Variants in DMD observed in about 807,000 individuals in gnomAD.
The protein encoded by DMD is mutant dystrophin.
In DMD, 63 loss-of-function variants were observed where a neutral mutation model predicts 330.1. That is an observed-to-expected ratio of 0.19 (90% confidence interval 0.16 to 0.24). DMD has a LOEUF of 0.24. Among genes scored for constraint, DMD ranks in the 10% least tolerant of loss-of-function variants. The pLI, the probability that DMD is intolerant of heterozygous loss-of-function variation, is 1.00. For missense variants in DMD, 3,344 were observed against 2,684.1 expected (o/e 1.25, Z -5.43); for synonymous variants, 1,223 against 959.8 (o/e 1.27, Z -5.07).
chrX:32,239,031 A>G (rs1219715125), intron 43 of DMD, among the ~76,000 whole-genome samples: 2 of 112,119 alleles, frequency 1.8e-5, no homozygotes, highest in African/African-American at 6.5e-5. Flanking sequence ...AGGTTTCTAA[A>G]CATAAACACT....
chrX:31,325,005 G>A (rs906321249), intron 61 of DMD, among the ~76,000 whole-genome samples: 7 of 112,021 alleles, frequency 6.2e-5, no homozygotes, highest in Admixed American at 1.9e-4. Flanking sequence ...TCATTTAAAC[G>A]ATATAGGAAA....
At chrX:31,624,539 C>T (rs909685337) in intron 55 of DMD, among the ~76,000 whole-genome samples, 2 of 111,940 alleles carry the variant, frequency 1.8e-5, no homozygotes, top group Non-Finnish European at 3.8e-5. Flanking sequence ...TATAGAAAAA[C>T]GGATTGACAG....
intron 1 of DMD, among the ~76,000 whole-genome samples, chrX:33,064,775 G>A (rs1300789458): frequency 4.5e-5 from 5 of 110,912 alleles, no homozygotes; most frequent in Non-Finnish European, 9.4e-5. Context: ...TGTAGTCCCA[G>A]CTACTTGGGA....
intron 1 of DMD, among the ~76,000 whole-genome samples, chrX:33,031,599 C>A (rs187605085): frequency 9.0e-6 from 1 of 110,547 alleles, no homozygotes; most frequent in Non-Finnish European, 1.9e-5. Flanking sequence ...AGTGAAGCCC[C>A]GTCTCTACTA....
chrX:33,009,580 A>ATATGTGTG (rs1224293016), intron 2 of DMD, among the ~76,000 whole-genome samples: 1 of 58,175 alleles, frequency 1.7e-5, no homozygotes, highest in Non-Finnish European at 3.2e-5. Context: ...GTATATACAC[A>ATATGTGTG]TATGTGTGTA....
At chrX:33,053,829 C>T (rs895954403) in intron 1 of DMD, among the ~76,000 whole-genome samples, 1 of 108,720 alleles carries the variant, frequency 9.2e-6, no homozygotes, top group African/African-American at 3.4e-5. Context: ...ATGATTAGTA[C>T]GTACAATGTC....
At chrX:31,719,079 T>C (rs1186035130) in intron 52 of DMD, among the ~76,000 whole-genome samples, 2 of 112,100 alleles carry the variant, frequency 1.8e-5, no homozygotes, top group Non-Finnish European at 3.8e-5. Flanking sequence ...AGGTAGAACC[T>C]GTCAAACGGA....
chrX:32,040,568 A>G lies in DMD; in HGVS notation c.6439-72054T>C, dbSNP rs767976734. Among the ~76,000 whole-genome samples the G allele has an allele frequency of 6.6e-3, 738 of 111,739 alleles. 2 individuals carry two copies. Among genetic ancestry groups the G allele is most frequent in the Non-Finnish European group, 7.8e-3 (413 of 53,151 alleles). ...TACAGTAGACATAAGAACTCTCTGG[A>G]TGGGGGGGAGTCAAAAAGAAAGTTG... On this transcript the variant is annotated intron_variant, in intron 44 of 78. Coordinates refer to ENST00000357033, the MANE Select transcript of DMD (RefSeq NM_004006.3).
At chrX:32,910,050 A>C (rs907284072) in intron 2 of DMD, among the ~76,000 whole-genome samples, 4 of 111,993 alleles carry the variant, frequency 3.6e-5, no homozygotes, top group Middle Eastern at 4.6e-3. Flanking sequence ...AACCAGAAAT[A>C]ATCTATTTCT....
At chrX:32,081,516 G>T in intron 44 of DMD, among the ~76,000 whole-genome samples, 1 of 111,805 alleles carries the variant, frequency 8.9e-6, no homozygotes, top group African/African-American at 3.3e-5. Context: ...AATATGTATT[G>T]GTCCAGTGGG....
intron 9 of DMD, among the ~76,000 whole-genome samples, chrX:32,689,130 C>A (rs750348099): frequency 9.0e-6 from 1 of 111,094 alleles, no homozygotes; most frequent in South Asian, 3.7e-4. Context: ...TTTGGTTATA[C>A]TATCCTTATA....
At chrX:32,649,589 A>C (rs1348219789) in intron 9 of DMD, among the ~76,000 whole-genome samples, 1 of 105,765 alleles carries the variant, frequency 9.5e-6, no homozygotes, top group Non-Finnish European at 1.9e-5. Context: ...AAAAAGGTGA[A>C]AGAGCAGAAA....
intron 47 of DMD, among the ~76,000 whole-genome samples, chrX:31,921,733 G>A (rs926771496): frequency 2.7e-5 from 3 of 112,298 alleles, no homozygotes; most frequent in African/African-American, 6.5e-5. Context: ...ACCTGGGGAA[G>A]TGTCTTCTTT....
At chrX:33,290,819 C>T (rs930194811) in intron 1 of DMD, among the ~76,000 whole-genome samples, 1 of 110,603 alleles carries the variant, frequency 9.0e-6, no homozygotes, top group African/African-American at 3.3e-5. Context: ...ATACATCTAC[C>T]CCTCCTTCAT....
intron 49 of DMD, among the ~76,000 whole-genome samples, chrX:31,832,869 GT>G (rs1232923692): frequency 1.8e-5 from 2 of 111,989 alleles, no homozygotes; most frequent in African/African-American, 6.5e-5. Flanking sequence ...TGAAAGTGTA[GT>G]TTTCCAACTT....
At chrX:31,908,696 C>T (rs2094509240) in intron 47 of DMD, among the ~76,000 whole-genome samples, 1 of 110,287 alleles carries the variant, frequency 9.1e-6, no homozygotes, top group South Asian at 3.8e-4. Flanking sequence ...TGCACATGTA[C>T]CCTAGAACTT....
chrX:32,838,151 T>G (rs949384069), intron 4 of DMD, among the ~76,000 whole-genome samples: 34 of 111,972 alleles, frequency 3.0e-4, no homozygotes, highest in Non-Finnish European at 7.5e-5. Flanking sequence ...GCATTTCTAC[T>G]GTGCGATACG....
At chrX:33,329,290 A>G (rs1293510775) in intron 1 of DMD, among the ~76,000 whole-genome samples, 3 of 107,001 alleles carry the variant, frequency 2.8e-5, no homozygotes, top group African/African-American at 9.8e-5. Flanking sequence ...CTAAGCATTG[A>G]CATGTCCAGA....
chrX:33,135,586 C>A (rs2095522142), intron 1 of DMD, among the ~76,000 whole-genome samples: 2 of 111,824 alleles, frequency 1.8e-5, no homozygotes. Context: ...GTGAATTAAG[C>A]AGCTTCCAAA....
Sources: allele counts gnomAD v4.1 joint callset (sites outside exome capture counted in the v4.1 genomes callset), GRCh38; gene constraint gnomAD v4.1.1; transcripts MANE v1.5; gene names NCBI Gene and HGNC (gene_info 2026-07-23, HGNC 2026-07-21).